Variants in NLRP1 observed in about 807,000 individuals in gnomAD.
The protein encoded by NLRP1 is NLR family pyrin domain containing 1.
A neutral mutation model predicts 136.7 loss-of-function variants in NLRP1; 94 were observed. The observed-to-expected ratio is 0.69, with a 90% CI of 0.58 to 0.82. The LOEUF is 0.82. Ranked by LOEUF, NLRP1 falls within the 40% of genes least tolerant of loss-of-function variation. The pLI is 0.00. For missense variants in NLRP1, 1,575 were observed against 1,802.7 expected (o/e 0.87, Z 2.29); for synonymous variants, 690 against 725.1 (o/e 0.95, Z 0.78).
chr17:5,517,709 C>T (rs1041058874), intron 15 of NLRP1, 37 bp downstream of exon 15: 1 of 1,612,042 alleles, frequency 6.2e-7, no homozygotes, highest in South Asian at 1.1e-5. Flanking sequence ...TCTTTCTCCT[C>T]CCACCTCTGA....
At chr17:5,549,808 A>G (rs1344238247) in intron 5 of NLRP1, among the ~76,000 whole-genome samples, 1 of 152,196 alleles carries the variant, frequency 6.6e-6, no homozygotes, top group Admixed American at 6.5e-5. Flanking sequence ...ATCCACCATT[A>G]AGTATAATGT....
At chr17:5,577,598 T>G (rs369750104) in intron 3 of NLRP1, among the ~76,000 whole-genome samples, 1 of 152,008 alleles carries the variant, frequency 6.6e-6, no homozygotes, top group Non-Finnish European at 1.5e-5. Flanking sequence ...CACTGCTCAA[T>G]GAAATAAAAG....
At position 5,514,839 on chromosome 17, in the gene NLRP1, T is replaced by C. The variant is rs200917086; in HGVS notation, c.4337A>G (p.Gln1446Arg). Reference protein sequence around the residue: ...WDRKCKDGLYQALKETHPHLI... With the variant: ...WDRKCKDGLYRALKETHPHLI... ...GTGAGGATGGGTCTCCTTCAGGGCT[T>C]GGTAGAGTCCATCTTTGCACTTCCG... Residue 1446 changes from glutamine to arginine, a missense_variant, in exon 17 of 17, where the codon CAA becomes CGA. Transcript: ENST00000572272. 1.9e-6 allele frequency: 3 copies of C among 1,614,134 alleles called. No individual in the cohort carries two copies. The highest frequency in any genetic ancestry group is 1.7e-6 in the Non-Finnish European group (2 of 1,180,016).
downstream of NLRP1, among the ~76,000 whole-genome samples, chr17:5,511,107 G>T (rs1015840995): frequency 1.3e-5 from 2 of 152,098 alleles, no homozygotes; most frequent in Non-Finnish European, 2.9e-5. Context: ...CTCACTGCCT[G>T]TCCCTCAGAA....
At chr17:5,539,871 A>G (rs1319180248) in intron 6 of NLRP1, among the ~76,000 whole-genome samples, 2 of 152,092 alleles carry the variant, frequency 1.3e-5, no homozygotes, top group Non-Finnish European at 2.9e-5. Context: ...AACTTACTCA[A>G]TGTCCCACTT....
intron 2 of NLRP1, among the ~76,000 whole-genome samples, chr17:5,582,338 AG>A (rs1905762845): frequency 2.6e-5 from 4 of 152,140 alleles, no homozygotes; most frequent in Admixed American, 2.6e-4. Context: ...CCTGACCCTA[AG>A]GATCTTCAGA....
chr17:5,539,271 G>A (rs1911530273), intron 7 of NLRP1, 144 bp downstream of exon 7: 3 of 657,150 alleles, frequency 4.6e-6, no homozygotes, highest in South Asian at 2.3e-5. Flanking sequence ...AGAATTCAGC[G>A]ACTTGTCCAA....
At chr17:5,536,551 A>T (rs1344748618) in intron 8 of NLRP1, among the ~76,000 whole-genome samples, 1 of 150,674 alleles carries the variant, frequency 6.6e-6, no homozygotes, top group African/African-American at 2.4e-5. Context: ...CCTGGGTTCA[A>T]GTTATTCTCA....
chr17:5,510,390 C>T (rs1019682763), downstream of NLRP1, among the ~76,000 whole-genome samples: 11 of 151,902 alleles, frequency 7.2e-5, no homozygotes, highest in Admixed American at 4.6e-4. Context: ...GATAGAGGCT[C>T]GCTCTGTTGC....
At chr17:5,502,312 C>T (rs547153421) in intron 15 of NLRP1, 139 of 173,786 alleles carry the variant, frequency 8.0e-4, no homozygotes, top group African/African-American at 3.2e-3. Context: ...TTTTTTGAGA[C>T]GGGGTCTTGC....
Position 5,541,973 on chromosome 17 carries a change from CA to C in NLRP1, c.2582del (p.Leu861ArgfsTer7). 1 of 1,614,108 alleles carries C rather than the reference CA, an allele frequency of 6.2e-7. No homozygotes were observed. Among genetic ancestry groups the C allele is most frequent in the Non-Finnish European group, 8.5e-7 (1 of 1,179,988 alleles). On this transcript the variant is annotated frameshift_variant, in exon 6 of 17. Transcript: ENST00000572272. LOFTEE classifies it high-confidence loss of function. The surrounding 1 kb of genome is among the most constrained non-coding windows in gnomAD (Gnocchi z 4.2). ...GCTCGGTCAGGGTCTGGTTGGCTCT[CA>C]GCCCAAAGGCAAGGTCCTTGCAGTC... is the stretch of plus-strand genomic sequence containing the variant. ...AEDCKDLAFG[L>X]RANQTLTELD...
In NLRP1 at chr17:5,521,787, C is replaced by A; in HGVS notation, c.3521-1G>T. 6.3e-7 allele frequency: 1 copy of A among 1,587,402 alleles called. No individual in the cohort carries two copies. Among genetic ancestry groups the A allele is most frequent in the Non-Finnish European group, 8.6e-7 (1 of 1,166,628 alleles). ...AACAGGGATGTGTCCACATGGCCCC[C>A]TGTAAAAGAATGGATTGAAGAGGCA... is the stretch of plus-strand genomic sequence containing the variant. On this transcript the variant is annotated splice_acceptor_variant, in intron 12 of 16. Coordinates refer to ENST00000572272, the MANE Select transcript of NLRP1 (RefSeq NM_033004.4). LOFTEE classifies it high-confidence loss of function.
exon 16 of NLRP1, chr17:5,501,615 C>G (rs1455078236): frequency 7.4e-6 from 4 of 537,380 alleles, no homozygotes; most frequent in Non-Finnish European, 1.4e-5. Flanking sequence ...TGTGTACAAC[C>G]TGTTTTCTCT....
chr17:5,582,776 G>A lies in NLRP1; in HGVS notation c.342C>T (p.Thr114=), dbSNP rs200518345. 2.5e-4 allele frequency: 405 copies of A among 1,613,920 alleles called. 1 individual carries two copies. Among genetic ancestry groups the A allele is most frequent in the Non-Finnish European group, 3.3e-4 (389 of 1,179,958 alleles). Residue 114 remains threonine, a synonymous_variant, in exon 2 of 17, where the codon ACC becomes ACT. Transcript: ENST00000572272. ...CATGGATCCAGGGCATTAGCACTGC[G>A]GTGGAGGTGGGTTGGCTGGGAGACC... ...HLGSPSQPTS[T]AVLMPWIHEL... is the part of the protein sequence containing the mutation.
Position 5,581,839 on chromosome 17 carries a change from G to C in NLRP1, c.652+20C>G. On this transcript the variant is annotated intron_variant, in intron 3 of 16. Coordinates refer to ENST00000572272, the MANE Select transcript of NLRP1 (RefSeq NM_033004.4). The stretch of plus-strand genomic sequence containing the variant: ...CCTCTCCCACCTCACCACCCCGCCA[G>C]GAGCTCAGTAGGGTCTCACCTGTGT... 6.2e-7 allele frequency: 1 copy of C among 1,603,476 alleles called. No individual in the cohort carries two copies.
chr17:5,509,087 G>A (rs1281716085), intron 15 of NLRP1, among the ~76,000 whole-genome samples: 1 of 152,220 alleles, frequency 6.6e-6, no homozygotes, highest in Non-Finnish European at 1.5e-5. Context: ...CTTAACAGCA[G>A]TTGCTAGGAA....
chr17:5,506,722 G>A (rs1023728376), intron 15 of NLRP1, among the ~76,000 whole-genome samples: 4 of 141,566 alleles, frequency 2.8e-5, no homozygotes, highest in African/African-American at 1.1e-4. Flanking sequence ...TGAAACCCCA[G>A]CTCTACTAAA....
At chr17:5,560,199 T>C (rs1434317350) in intron 3 of NLRP1, among the ~76,000 whole-genome samples, 156 bp from the exon 4 acceptor site, 1 of 152,264 alleles carries the variant, frequency 6.6e-6, no homozygotes, top group Non-Finnish European at 1.5e-5. Context: ...ACATGTGCTT[T>C]GGGGTAGAAT....
rs140628502 is a variant in NLRP1 at position 5,559,773 on chromosome 17, C to T, written c.923G>A (p.Arg308Gln). Residue 308 changes from arginine (R) to glutamine (Q), a missense_variant, in exon 4 of 17, where the codon CGA (arginine) becomes CAA (glutamine). Transcript: ENST00000572272. Reference sequence around the variant, plus strand: ...GTCTCTGATCTCAATTAAATGTCCTCGATTCTCCTCCACATAATCAGGCCA... The same window carrying T: ...GTCTCTGATCTCAATTAAATGTCCTTGATTCTCCTCCACATAATCAGGCCA... ...RSWPDYVEEN[R>Q]GHLIEIRDLF... 1,402 of 1,614,226 alleles carry T rather than the reference C, an allele frequency of 8.7e-4. 6 individuals are homozygous for T. The highest frequency in any genetic ancestry group is 8.1e-4 in the Non-Finnish European group (955 of 1,180,046).
Sources: gnomAD v4.1 joint callset for allele counts (sites outside exome capture counted in the v4.1 genomes callset) on GRCh38, gnomAD v4.1.1 for gene constraint, Gnocchi (gnomAD v3.1) non-coding constraint, MANE v1.5 for transcripts, NCBI Gene and HGNC (gene_info 2026-07-23, HGNC 2026-07-21) for gene names.